The following ANKRD11 variants were observed in gnomAD, a reference collection of about 807,000 sequenced individuals.
ANKRD11 encodes ankyrin repeat domain-containing protein 11.
ANKRD11 carries 17 observed loss-of-function variants against 195.7 expected under a neutral mutation model. That is an observed-to-expected ratio of 0.09 (90% CI 0.06 to 0.13). ANKRD11 has a LOEUF of 0.13. ANKRD11 is among the 10% of genes least tolerant of loss of function. The probability of loss-of-function intolerance (pLI) is 1.00; values close to 1 mark genes in which losing one functional copy is unlikely to be tolerated. For synonymous variants in ANKRD11, 1,953 were observed against 1,528.1 expected (o/e 1.28, Z -6.49); for missense variants, 3,735 against 3,566.1 (o/e 1.05, Z -1.21).
intron 2 of ANKRD11, among the ~76,000 whole-genome samples, chr16:89,398,090 T>A (rs2152144818): frequency 6.6e-6 from 1 of 151,586 alleles, no homozygotes; most frequent in Middle Eastern, 3.4e-3. Context: ...AGCTGAAGAT[T>A]ACCTGTAACC....
rs751187108 is a variant in ANKRD11 at position 89,283,167 on chromosome 16, G to A, written c.3375C>T (p.Asp1125=). ...CGCTCCCCATGCAGCTGTCTCTGTC[G>A]TCCTCACTCTCATCTGTGAAGATGT... The part of the protein sequence containing the change: ...IADIFTDESE[D]DRDSCMGSGF... The change falls in exon 9 of 13, where the codon GAC becomes GAT. Residue 1125 remains aspartate, a synonymous_variant. Transcript: ENST00000301030. The surrounding 1 kb of genome is among the most constrained non-coding windows in gnomAD (Gnocchi z 4.3). 53 of 1,613,956 alleles carry A rather than the reference G, an allele frequency of 3.3e-5. No individual in the cohort carries two copies. Among genetic ancestry groups the A allele is most frequent in the Admixed American group, 2.8e-4 (17 of 60,016 alleles).
chr16:89,280,076 C>A lies in ANKRD11; in HGVS notation c.6466G>T (p.Val2156Leu). ...KDAADGEAEPVEESLAPPEEM... is the reference protein window; with the variant it reads ...KDAADGEAEPLEESLAPPEEM... ...TCTGGAGGAGCAAGACTTTCTTCCA[C>A]GGGTTCCGCTTCACCATCTGCGGCA... Residue 2156 changes from valine (V) to leucine (L), a missense_variant, in exon 9 of 13, where the codon GTG becomes TTG. Coordinates refer to ENST00000301030, the MANE Select transcript of ANKRD11 (RefSeq NM_013275.6). 1 of 1,613,132 alleles carries A rather than the reference C, an allele frequency of 6.2e-7. No individual in the cohort carries two copies. The highest frequency in any genetic ancestry group is 8.5e-7 in the Non-Finnish European group (1 of 1,179,956).
chr16:89,477,366 T>A (rs1228235596), intron 1 of ANKRD11, among the ~76,000 whole-genome samples: 1 of 151,736 alleles, frequency 6.6e-6, no homozygotes. Flanking sequence ...TTTCTTTTTT[T>A]TCTCTCTGAG....
rs559499623 is a variant in ANKRD11, at chr16:89,303,503, C to T, written c.226+1703G>A. Among the ~76,000 whole-genome samples, 32 of 152,322 alleles carry T rather than the reference C, an allele frequency of 2.1e-4. No homozygotes were observed. The South Asian group carries it at 6.0e-3, about 29-fold the overall frequency. On this transcript the variant is annotated intron_variant, in intron 4 of 12. Coordinates refer to ENST00000301030, the MANE Select transcript of ANKRD11 (RefSeq NM_013275.6). ...CCCCGTGTCTCCCAGTGTTCTTCCT[C>T]GGAGCTGTCCGCTGCTGGGAAGAGG...
intron 2 of ANKRD11, among the ~76,000 whole-genome samples, chr16:89,351,137 C>T (rs966101718): frequency 4.6e-5 from 7 of 152,164 alleles, no homozygotes; most frequent in South Asian, 4.1e-4. Flanking sequence ...CGGGAGTGGA[C>T]GATGGCGGGC....
chr16:89,429,132 C>T (rs571629630), intron 1 of ANKRD11, among the ~76,000 whole-genome samples: 65 of 132,330 alleles, frequency 4.9e-4, no homozygotes, highest in East Asian at 2.1e-3. Context: ...ACAGCAGGGA[C>T]TCTCAACTCT....
chr16:89,477,791 G>C (rs2057307265), intron 1 of ANKRD11, among the ~76,000 whole-genome samples: 3 of 151,256 alleles, frequency 2.0e-5, no homozygotes, highest in African/African-American at 7.3e-5. Flanking sequence ...GGCCAACATG[G>C]TGAAACCCCA....
intron 3 of ANKRD11, among the ~76,000 whole-genome samples, chr16:89,315,086 C>T (rs1280876886): frequency 1.3e-5 from 2 of 152,202 alleles, no homozygotes; most frequent in Non-Finnish European, 2.9e-5. Context: ...TCCAAACACA[C>T]AGCTCACGCC....
rs780187304 is a variant in ANKRD11, at chr16:89,284,832, C to A, written c.1710G>T (p.Arg570Ser). 1 of 1,613,958 alleles carries A rather than the reference C, an allele frequency of 6.2e-7. No homozygotes were observed. Among genetic ancestry groups the A allele is most frequent in the Non-Finnish European group, 8.5e-7 (1 of 1,180,032 alleles). The change falls in exon 9 of 13, where the codon AGG (arginine) becomes AGT (serine). Residue 570 changes from arginine to serine, a missense_variant. Transcript: ENST00000301030. ...SEVSSLSDST[R>S]TRLTSESDYS... ...AGTCAGACTCGCTTGTCAGTCTCGTCCTTGTGGAGTCTGATAAAGAACTGA... is the reference window on the plus strand; with the variant it reads ...AGTCAGACTCGCTTGTCAGTCTCGTACTTGTGGAGTCTGATAAAGAACTGA...
At chr16:89,367,604 C>T (rs932648703) in intron 2 of ANKRD11, among the ~76,000 whole-genome samples, 1 of 152,186 alleles carries the variant, frequency 6.6e-6, no homozygotes, top group African/African-American at 2.4e-5. Flanking sequence ...GACAAGTCCA[C>T]ATTGCTTGGG....
At chr16:89,429,244 G>C (rs564844926) in intron 1 of ANKRD11, among the ~76,000 whole-genome samples, 7 of 99,732 alleles carry the variant, frequency 7.0e-5, no homozygotes, top group Admixed American at 6.5e-4. Flanking sequence ...AGACGTTCTA[G>C]TACACAGCAG....
At chr16:89,346,733 T>C (rs2038958516) in intron 2 of ANKRD11, among the ~76,000 whole-genome samples, 1 of 152,214 alleles carries the variant, frequency 6.6e-6, no homozygotes, top group African/African-American at 2.4e-5. Context: ...CCAGGTAAAG[T>C]GGTTGTTAGA....
At position 89,285,059 on chromosome 16, in the gene ANKRD11, A is replaced by T; in HGVS notation, c.1483T>A (p.Ser495Thr). The T allele has an allele frequency of 6.2e-7, 1 of 1,613,916 alleles. No individual in the cohort carries two copies. Among genetic ancestry groups the T allele is most frequent in the African/African-American group, 1.3e-5 (1 of 75,054 alleles). ...TTGAGGCAGCCAGAGCTCCCCAGAG[A>T]GTCCCTGTCATCCTCCCCACTCTCT... ...SSESGEDDRD[S>T]LGSSGCLKGS... The change falls in exon 9 of 13, where the codon TCT (serine) becomes ACT (threonine). Residue 495 changes from serine to threonine, a missense_variant. By Grantham distance (58) the Ser-to-Thr change is moderately conservative. Coordinates refer to ENST00000301030, the MANE Select transcript of ANKRD11 (RefSeq NM_013275.6). The surrounding 1 kb of genome is among the most constrained non-coding windows in gnomAD (Gnocchi z 5.6).
Position 89,279,963 on chromosome 16 carries a change from G to A in ANKRD11, c.6579C>T (p.Asp2193=), listed in dbSNP as rs199952368. ...CTGCAGGGAGCCGGGTGGAGGCCTG[G>A]TCAGGAGGCAGTGCCGGCGGCTCCT... is the stretch of plus-strand genomic sequence containing the variant. The part of the protein sequence containing the change: ...VAEEPPALPP[D]QASTRLPAEL... Residue 2193 remains aspartate, a synonymous_variant, in exon 9 of 13, where the codon GAC becomes GAT. Transcript: ENST00000301030. This position sits in a 1 kb window ranked among gnomAD's most constrained non-coding sequence, Gnocchi z 5.6. 51 of 1,610,492 alleles carry A rather than the reference G, an allele frequency of 3.2e-5. No homozygotes were observed. Among genetic ancestry groups the A allele is most frequent in the African/African-American group, 1.3e-5 (1 of 74,922 alleles).
chr16:89,298,277 G>A (rs2035579930), intron 4 of ANKRD11: 1 of 152,390 alleles, frequency 6.6e-6, no homozygotes, highest in Non-Finnish European at 1.5e-5. Context: ...ACACAGCATC[G>A]TGGGTATTTT....
Position 89,279,482 on chromosome 16 carries a change from G to C in ANKRD11, c.7060C>G (p.Pro2354Ala), listed in dbSNP as rs957598792. ...LANQSKQGPPPSEKECAPTPA... is the reference protein window; with the variant it reads ...LANQSKQGPPASEKECAPTPA... Reference sequence around the variant, plus strand: ...GTGGGGGCGCACTCCTTCTCGGAGGGGGGCGGGCCCTGCTTGCTCTGGTTC... The same window carrying C: ...GTGGGGGCGCACTCCTTCTCGGAGGCGGGCGGGCCCTGCTTGCTCTGGTTC... Residue 2354 changes from proline to alanine, a missense_variant, in exon 9 of 13, where the codon CCC (proline) becomes GCC (alanine). Physicochemically the swap from Pro to Ala is conservative, Grantham distance 27. Coordinates refer to ENST00000301030, the MANE Select transcript of ANKRD11 (RefSeq NM_013275.6). This position sits in a 1 kb window ranked among gnomAD's most constrained non-coding sequence, Gnocchi z 5.6. 4.4e-6 allele frequency: 6 copies of C among 1,368,900 alleles called. No individual in the cohort carries two copies. The highest frequency in any genetic ancestry group is 6.0e-6 in the Non-Finnish European group (6 of 1,006,080). The allele number at this position is 1,368,900 out of a possible 1,614,324, so 84.8% of individuals were successfully genotyped here.
intron 3 of ANKRD11, among the ~76,000 whole-genome samples, chr16:89,307,002 C>T (rs1014819816): frequency 2.8e-5 from 4 of 141,704 alleles, no homozygotes; most frequent in South Asian, 4.7e-4. Context: ...ACACAGCGCT[C>T]GGGACGTGGG....
intron 2 of ANKRD11, among the ~76,000 whole-genome samples, chr16:89,348,975 A>T (rs2152022993): frequency 6.6e-6 from 1 of 151,178 alleles, no homozygotes; most frequent in African/African-American, 2.4e-5. Context: ...TAAAAATACA[A>T]AAACTAGCCA....
At position 89,433,793 on chromosome 16, in the gene ANKRD11, G is replaced by A. The variant is rs914294243; in HGVS notation, c.-144-15425C>T. Among the ~76,000 whole-genome samples, 14 of 152,068 alleles carry A rather than the reference G, an allele frequency of 9.2e-5. No homozygotes were observed. The East Asian group carries it at 2.1e-3, about 23-fold the overall frequency. ...TTCACGAGAGTAAGAGAGAAGCAAC[G>A]GGCTTGGACGCGGGGACTGGGCACG... On this transcript the variant is annotated intron_variant, in intron 1 of 12. Coordinates refer to ENST00000301030, the MANE Select transcript of ANKRD11 (RefSeq NM_013275.6).
Sources: gnomAD v4.1 joint callset for allele counts (sites outside exome capture counted in the v4.1 genomes callset) on GRCh38, gnomAD v4.1.1 for gene constraint, Gnocchi (gnomAD v3.1) non-coding constraint, MANE v1.5 for transcripts, NCBI Gene and HGNC (gene_info 2026-07-23, HGNC 2026-07-21) for gene names.